Variants in COL24A1 observed in about 807,000 individuals in gnomAD.
COL24A1 encodes collagen type XXIV alpha 1 chain.
In COL24A1, 224 loss-of-function variants were observed where a neutral mutation model predicts 253.9. The ratio of observed to expected loss-of-function variants is 0.88; its 90% CI spans 0.79 to 0.99. The LOEUF (loss-of-function observed/expected upper bound fraction) is 0.99, where lower values mean the gene tolerates loss of function less well. Among genes scored for constraint, COL24A1 ranks in the 50% least tolerant of loss-of-function variants. The probability of loss-of-function intolerance (pLI) is 0.00; values close to 1 mark genes in which losing one functional copy is unlikely to be tolerated. For missense variants in COL24A1, 2,131 were observed against 2,068.5 expected (o/e 1.03, Z -0.59); for synonymous variants, 685 against 673.7 (o/e 1.02, Z -0.26).
At chr1:85,773,221 T>C (rs1388081129) in intron 53 of COL24A1, among the ~76,000 whole-genome samples, 1 of 152,200 alleles carries the variant, frequency 6.6e-6, no homozygotes, top group Non-Finnish European at 1.5e-5. Context: ...TCTGTTCCAT[T>C]GGTCTATATA....
chr1:85,892,747 G>C (rs1234333538), intron 31 of COL24A1, among the ~76,000 whole-genome samples: 1 of 151,882 alleles, frequency 6.6e-6, no homozygotes, highest in Non-Finnish European at 1.5e-5. Context: ...CTATATTGTT[G>C]GCAAGTTTCT....
intron 12 of COL24A1, among the ~76,000 whole-genome samples, chr1:86,040,357 C>A (rs561179642): frequency 3.3e-4 from 50 of 151,466 alleles, no homozygotes; most frequent in African/African-American, 1.2e-3. Context: ...GGTACATGTG[C>A]ACAATGTGCA....
chr1:86,155,620 G>C (rs977559169), intron 1 of COL24A1: 1 of 152,356 alleles, frequency 6.6e-6, no homozygotes. Context: ...CAAAACCTCC[G>C]CAGGAGGGGC....
intron 59 of COL24A1, 127 bp from the exon 60 acceptor site, chr1:85,730,819 A>G: frequency 1.1e-6 from 1 of 897,344 alleles, no homozygotes; most frequent in Non-Finnish European, 1.7e-6. Context: ...AGTGCCTAGA[A>G]CAATGCTCAA....
At chr1:85,799,178 T>C (rs1671134724) in intron 47 of COL24A1, among the ~76,000 whole-genome samples, 1 of 123,620 alleles carries the variant, frequency 8.1e-6, no homozygotes. Context: ...GCAGAGTGAA[T>C]ATGCCAAGAA....
intron 55 of COL24A1, among the ~76,000 whole-genome samples, chr1:85,756,096 A>G (rs948639986): frequency 6.7e-5 from 10 of 149,390 alleles, no homozygotes; most frequent in Non-Finnish European, 1.5e-4. Flanking sequence ...CCCAATTCAA[A>G]AAATGGGCAA....
chr1:85,799,247 G>GAAAGAAAGAAAGAAAGAAAGAAAGAA (rs1340842861), intron 47 of COL24A1, among the ~76,000 whole-genome samples: 1 of 141,686 alleles, frequency 7.1e-6, no homozygotes, highest in Non-Finnish European at 1.6e-5. Context: ...AAGAAAGAAA[G>GAAAGAAAGAAAGAAAGAAAGAAAGAA]AAAAGAAAAG....
intron 24 of COL24A1, among the ~76,000 whole-genome samples, chr1:85,912,595 A>G (rs921825947): frequency 5.3e-5 from 8 of 152,204 alleles, no homozygotes; most frequent in African/African-American, 9.6e-5. Flanking sequence ...ATCTCTATCT[A>G]TCTAATGATC....
At chr1:85,799,173 G>A (rs1671133407) in intron 47 of COL24A1, among the ~76,000 whole-genome samples, 1 of 113,836 alleles carries the variant, frequency 8.8e-6, no homozygotes, top group African/African-American at 3.2e-5. Context: ...AAACTGCAGA[G>A]TGAATATGCC....
chr1:85,808,474 A>C (rs1299674974), intron 47 of COL24A1, among the ~76,000 whole-genome samples: 3 of 152,212 alleles, frequency 2.0e-5, no homozygotes, highest in Non-Finnish European at 2.9e-5. Flanking sequence ...CAGTAAAGAT[A>C]ATTGGAAGCA....
intron 55 of COL24A1, among the ~76,000 whole-genome samples, chr1:85,746,547 A>G (rs1207603432): frequency 6.6e-6 from 1 of 152,246 alleles, no homozygotes; most frequent in Non-Finnish European, 1.5e-5. Context: ...CAATTGAGAT[A>G]CATGCTATGA....
rs556750289 is a variant in COL24A1 at position 85,883,483 on chromosome 1, A to T, written c.2976+6077T>A. ...CAATCTACCTGCCTCGGCCTCCTAA[A>T]GTGCTAGGATTATAGGCATGAGCCA... On this transcript the variant is annotated intron_variant, in intron 32 of 59. Coordinates refer to ENST00000370571, the MANE Select transcript of COL24A1 (RefSeq NM_152890.7). Among the ~76,000 whole-genome samples the T allele has an allele frequency of 2.6e-5, 4 of 151,776 alleles. No individual in the cohort carries two copies. The East Asian group carries it at 7.8e-4, about 29-fold the overall frequency.
rs1038489700 is a variant in COL24A1, at chr1:85,944,421, T to G, written c.2562+16828A>C. On this transcript the variant is annotated intron_variant, in intron 24 of 59. Transcript: ENST00000370571. ...AGGAAGTGTTCTGTTGTGTTTTTTA[T>G]GTTTCTCAAATACAGCTTATTTTAA... is the stretch of plus-strand genomic sequence containing the variant. Among the ~76,000 whole-genome samples, 7 of 152,322 alleles carry G rather than the reference T, an allele frequency of 4.6e-5. No individual in the cohort carries two copies. In the South Asian group the frequency reaches 1.4e-3, roughly 32 times the overall value.
intron 28 of COL24A1, among the ~76,000 whole-genome samples, chr1:85,897,432 A>G (rs1308152956): frequency 6.6e-6 from 1 of 152,008 alleles, no homozygotes; most frequent in South Asian, 2.1e-4. Flanking sequence ...AAAAAAAGAA[A>G]TAAAGTTTAG....
At chr1:86,014,701 T>A (rs1407546022) in intron 19 of COL24A1, among the ~76,000 whole-genome samples, 1 of 152,144 alleles carries the variant, frequency 6.6e-6, no homozygotes, top group Non-Finnish European at 1.5e-5. Context: ...CTTTTATTCC[T>A]CTCTCTTACA....
chr1:85,762,546 A>C lies in COL24A1; in HGVS notation c.4375-980T>G, dbSNP rs148315770. 3.3e-5 allele frequency among the ~76,000 whole-genome samples: 5 copies of C among 152,318 alleles called. No homozygotes were observed. The East Asian group carries it at 9.6e-4, about 29-fold the overall frequency. ...ACCAGTTAATTTTAATACTAGTCAA[A>C]ATTAATACTAGTTAATACTAGTTAA... On this transcript the variant is annotated intron_variant, in intron 53 of 59. Transcript: ENST00000370571.
intron 28 of COL24A1, among the ~76,000 whole-genome samples, chr1:85,901,287 G>A (rs986068184): frequency 6.6e-6 from 1 of 151,974 alleles, no homozygotes; most frequent in African/African-American, 2.4e-5. Flanking sequence ...ATGGCCAACA[G>A]ACACATGAAA....
intron 35 of COL24A1, among the ~76,000 whole-genome samples, chr1:85,873,561 C>T (rs1052825346): frequency 2.4e-4 from 36 of 152,154 alleles, no homozygotes; most frequent in African/African-American, 7.5e-4. Flanking sequence ...AGCTGGAAAC[C>T]ATCATTCTCA....
At position 85,909,971 on chromosome 1, in the gene COL24A1, C is replaced by A. The variant is rs1502657; in HGVS notation, c.2649G>T (p.Pro883=). The A allele has an allele frequency of 1.2e-6, 2 of 1,609,296 alleles. No homozygotes were observed. Among genetic ancestry groups the A allele is most frequent in the Non-Finnish European group, 1.7e-6 (2 of 1,176,400 alleles). ...GERGSPGPLG[P]QGEKGVMGYP... ...TTACCATAACACCTTTTTCTCCCTG[C>A]GGACCTAGTGGGCCTGGACTTCCAC... is the stretch of plus-strand genomic sequence containing the variant. The change falls in exon 26 of 60, where the codon CCG becomes CCT. Residue 883 remains proline (P), a synonymous_variant. Transcript: ENST00000370571.
Sources: allele counts gnomAD v4.1 joint callset (sites outside exome capture counted in the v4.1 genomes callset), GRCh38; gene constraint gnomAD v4.1.1; transcripts MANE v1.5; gene names NCBI Gene and HGNC (gene_info 2026-07-23, HGNC 2026-07-21).